Variants in PARD3 observed in about 807,000 individuals in gnomAD.
PARD3 encodes the protein par-3 family cell polarity regulator, also known as partitioning defective 3 homolog.
In PARD3, 75 loss-of-function variants were observed where a neutral mutation model predicts 155.4. The observed-to-expected ratio is 0.48, with a 90% CI of 0.40 to 0.58. PARD3 has a LOEUF of 0.58. Among genes scored for constraint, PARD3 ranks in the 20% least tolerant of loss-of-function variants. PARD3 has a pLI of 0.00. For synonymous variants in PARD3, 576 were observed against 610.5 expected (o/e 0.94, Z 0.83); for missense variants, 1,642 against 1,721.7 (o/e 0.95, Z 0.82).
chr10:34,677,260 T>C (rs530956020), intron 2 of PARD3, among the ~76,000 whole-genome samples: 171 of 152,182 alleles, frequency 1.1e-3, no homozygotes, highest in African/African-American at 3.7e-3. Flanking sequence ...GCAGGAGGAC[T>C]GCTTGAGGCC....
intron 1 of PARD3, among the ~76,000 whole-genome samples, chr10:34,752,448 AAC>A (rs1424254120): frequency 1.3e-5 from 2 of 152,146 alleles, no homozygotes; most frequent in Non-Finnish European, 2.9e-5. Flanking sequence ...CTGCACTACT[AAC>A]ACAGTCAGCC....
At chr10:34,669,695 G>C (rs1006313837) in intron 2 of PARD3, among the ~76,000 whole-genome samples, 11 of 151,862 alleles carry the variant, frequency 7.2e-5, no homozygotes, top group Non-Finnish European at 1.3e-4. Context: ...CAAATGAAAA[G>C]GAACTGGACC....
At chr10:34,315,425 A>G (rs964253202) in intron 20 of PARD3, among the ~76,000 whole-genome samples, 1 of 152,236 alleles carries the variant, frequency 6.6e-6, no homozygotes, top group Admixed American at 6.5e-5. Flanking sequence ...CAGAGCACTT[A>G]AACAGATAAA....
chr10:34,232,389 A>G (rs746532314), intron 22 of PARD3, among the ~76,000 whole-genome samples: 2 of 152,096 alleles, frequency 1.3e-5, no homozygotes, highest in Non-Finnish European at 2.9e-5. Context: ...GCACACACCT[A>G]AACAGTTTAG....
chr10:34,172,310 TC>T (rs575162276), intron 22 of PARD3, among the ~76,000 whole-genome samples: 17 of 152,242 alleles, frequency 1.1e-4, no homozygotes, highest in African/African-American at 4.1e-4. Flanking sequence ...TTAACTACGG[TC>T]AGAATCACTC....
chr10:34,717,649 A>C (rs1328080671), intron 1 of PARD3, among the ~76,000 whole-genome samples: 8 of 152,162 alleles, frequency 5.3e-5, no homozygotes, highest in Non-Finnish European at 2.9e-5. Flanking sequence ...AGAAAAGTCA[A>C]ATATGGAGAA....
chr10:34,262,677 A>G (rs1298601763), intron 22 of PARD3, among the ~76,000 whole-genome samples: 3 of 152,222 alleles, frequency 2.0e-5, no homozygotes, highest in East Asian at 1.9e-4. Flanking sequence ...AAGCTGCCCT[A>G]TTTCCATGGA....
chr10:34,765,865 C>T (rs1038190058), intron 1 of PARD3, among the ~76,000 whole-genome samples: 2 of 152,168 alleles, frequency 1.3e-5, no homozygotes, highest in African/African-American at 4.8e-5. Context: ...TCATGTGATC[C>T]TCATTCAATC....
At chr10:34,375,023 T>C (rs1269826271) in intron 10 of PARD3, 21 bp from the exon 11 acceptor site, 1 of 1,601,762 alleles carries the variant, frequency 6.2e-7, no homozygotes, top group Non-Finnish European at 8.5e-7. Context: ...ACAAAAGTTT[T>C]CAGCTGTAAT....
intron 2 of PARD3, among the ~76,000 whole-genome samples, chr10:34,619,980 A>C (rs1299146849): frequency 6.6e-6 from 1 of 152,144 alleles, no homozygotes; most frequent in Non-Finnish European, 1.5e-5. Context: ...GCATTCACTC[A>C]ACAAATACCT....
intron 2 of PARD3, among the ~76,000 whole-genome samples, chr10:34,524,568 A>G (rs1258272573): frequency 6.6e-6 from 1 of 152,210 alleles, no homozygotes. Flanking sequence ...ACAAACCACA[A>G]TGAAAATATG....
At chr10:34,329,309 C>T (rs148741107) in intron 19 of PARD3, among the ~76,000 whole-genome samples, 78 of 151,724 alleles carry the variant, frequency 5.1e-4, no homozygotes, top group Middle Eastern at 3.4e-3. Flanking sequence ...ACATTTTAAC[C>T]AGAACAAGAA....
intron 22 of PARD3, among the ~76,000 whole-genome samples, chr10:34,148,168 A>G (rs915286069): frequency 6.6e-6 from 1 of 152,190 alleles, no homozygotes; most frequent in African/African-American, 2.4e-5. Flanking sequence ...TTAGATATAA[A>G]TATCAGCAAT....
At chr10:34,671,302 G>A (rs148925311) in intron 2 of PARD3, among the ~76,000 whole-genome samples, 5 of 152,156 alleles carry the variant, frequency 3.3e-5, no homozygotes, top group East Asian at 1.9e-4. Context: ...CAAATATATC[G>A]ATAGATATTC....
At chr10:34,641,847 G>A (rs2092688505) in intron 2 of PARD3, among the ~76,000 whole-genome samples, 1 of 152,186 alleles carries the variant, frequency 6.6e-6, no homozygotes, top group South Asian at 2.1e-4. Flanking sequence ...GTGAAATACA[G>A]GTGCATGAGG....
In PARD3 at chr10:34,665,088, G is replaced by A. The variant is rs1346700368; in HGVS notation, c.222+31230C>T. 5.3e-5 allele frequency among the ~76,000 whole-genome samples: 8 copies of A among 151,832 alleles called. No individual in the cohort carries two copies. The East Asian group carries it at 1.5e-3, about 29-fold the overall frequency. On this transcript the variant is annotated intron_variant, in intron 2 of 24. Coordinates refer to ENST00000374788, the MANE Select transcript of PARD3 (RefSeq NM_001184785.2). ...ATATAAGTAAAACCACAATTACAAA[G>A]TTTTTTTTAAAATAAAAAAAATCTG...
At chr10:34,684,091 TC>T (rs1206219473) in intron 2 of PARD3, among the ~76,000 whole-genome samples, 10 of 152,340 alleles carry the variant, frequency 6.6e-5, no homozygotes, top group Admixed American at 2.0e-4. Context: ...ATCATTCAGT[TC>T]CTATGCCAAT....
chr10:34,716,592 T>TTC (rs2094524503), intron 1 of PARD3, among the ~76,000 whole-genome samples: 2 of 141,242 alleles, frequency 1.4e-5, no homozygotes, highest in Non-Finnish European at 3.1e-5. Flanking sequence ...TTTCTTTTTT[T>TTC]TTTTTTTTTT....
intron 2 of PARD3, among the ~76,000 whole-genome samples, chr10:34,586,105 A>G (rs2088013836): frequency 6.6e-6 from 1 of 152,222 alleles, no homozygotes; most frequent in African/African-American, 2.4e-5. Flanking sequence ...TCAAGTAACA[A>G]CTGCTACTTT....
Sources: gnomAD v4.1 joint callset for allele counts (sites outside exome capture counted in the v4.1 genomes callset) on GRCh38, gnomAD v4.1.1 for gene constraint, MANE v1.5 for transcripts, NCBI Gene and HGNC (gene_info 2026-07-23, HGNC 2026-07-21) for gene names.